CLNK: variants seen among roughly 807,000 people sequenced by gnomAD.
CLNK encodes cytokine dependent hematopoietic cell linker, also known as cytokine-dependent hematopoietic cell linker.
Under a neutral mutation model 68.6 loss-of-function variants are expected in CLNK, and 74 were observed. That is an observed-to-expected ratio of 1.08 (90% CI 0.89 to 1.31). The LOEUF (loss-of-function observed/expected upper bound fraction) is 1.31, where lower values mean the gene tolerates loss of function less well. CLNK is among the 50% of genes most tolerant of loss of function. The probability of loss-of-function intolerance (pLI) is 0.00; values close to 1 mark genes in which losing one functional copy is unlikely to be tolerated. For missense variants in CLNK, 553 were observed against 515.3 expected (o/e 1.07, Z -0.71); for synonymous variants, 198 against 172.2 (o/e 1.15, Z -1.17).
rs1224563143 is a variant in CLNK at position 10,514,733 on chromosome 4, A to G, written c.773-1136T>C. ...AAAACACCAAAAGCAATGGCAACCA[A>G]AGCCAAAATTGACAAATGGGATCTA... On this transcript the variant is annotated intron_variant, in intron 15 of 18. Transcript: ENST00000226951. Among the ~76,000 whole-genome samples, 26 of 151,220 alleles carry G rather than the reference A, an allele frequency of 1.7e-4. No homozygotes were observed. The Admixed American group carries it at 1.7e-3, about 10-fold the overall frequency.
the CLNK span, among the ~76,000 whole-genome samples, chr4:10,718,204 G>A: frequency 6.6e-6 from 1 of 152,166 alleles, no homozygotes; most frequent in Non-Finnish European, 1.5e-5. Context: ...TCATGCCATT[G>A]GAGCCCAAGA....
chr4:10,619,340 C>A (rs190139619), intron 2 of CLNK, among the ~76,000 whole-genome samples: 6 of 152,162 alleles, frequency 3.9e-5, no homozygotes, highest in Non-Finnish European at 8.8e-5. Context: ...GTTTTTAAAC[C>A]GGTCAGACTC....
At chr4:10,570,223 A>G (rs1720288957) in intron 5 of CLNK, among the ~76,000 whole-genome samples, 1 of 152,238 alleles carries the variant, frequency 6.6e-6, no homozygotes, top group African/African-American at 2.4e-5. Context: ...ACCTGCTGGA[A>G]GAACTGGGAT....
intron 2 of CLNK, among the ~76,000 whole-genome samples, chr4:10,659,599 C>A (rs1370926589): frequency 2.0e-5 from 3 of 152,118 alleles, no homozygotes; most frequent in African/African-American, 7.2e-5. Context: ...TCCTTTCTAA[C>A]CTCTCTCAGA....
chr4:10,598,134 A>G, intron 2 of CLNK, 85 bp from the exon 3 acceptor site: 1 of 860,406 alleles, frequency 1.2e-6, no homozygotes, highest in Admixed American at 2.4e-5. Flanking sequence ...TCATAGAAAG[A>G]GCCACCCAGT....
chr4:10,516,479 T>C (rs550761980), intron 15 of CLNK, among the ~76,000 whole-genome samples: 1 of 152,194 alleles, frequency 6.6e-6, no homozygotes, highest in Non-Finnish European at 1.5e-5. Context: ...CAAATTTATC[T>C]CTAAGTTTAC....
At chr4:10,545,611 G>T (rs1719195884) in intron 8 of CLNK, among the ~76,000 whole-genome samples, 1 of 152,118 alleles carries the variant, frequency 6.6e-6, no homozygotes, top group South Asian at 2.1e-4. Flanking sequence ...CAGTGGCCTT[G>T]CTCCTATGGC....
the CLNK span, among the ~76,000 whole-genome samples, chr4:10,722,440 G>C: frequency 2.0e-5 from 3 of 152,140 alleles, no homozygotes; most frequent in Non-Finnish European, 2.9e-5. Flanking sequence ...TGTTCCTGCT[G>C]TTTCCTCCAC....
At chr4:10,689,532 C>T (rs1008873914), upstream of CLNK, among the ~76,000 whole-genome samples, 1 of 152,068 alleles carries the variant, frequency 6.6e-6, no homozygotes, top group Non-Finnish European at 1.5e-5. Flanking sequence ...GGTTTCATCC[C>T]TTCAGCTGGT....
At chr4:10,535,255 G>C (rs1172220271) in intron 11 of CLNK, among the ~76,000 whole-genome samples, 1 of 134,454 alleles carries the variant, frequency 7.4e-6, no homozygotes, top group African/African-American at 2.8e-5. Flanking sequence ...AAGAAAGAAA[G>C]AAAGAAAGAA....
At chr4:10,636,358 G>A (rs1029924957) in intron 2 of CLNK, among the ~76,000 whole-genome samples, 1 of 152,114 alleles carries the variant, frequency 6.6e-6, no homozygotes, top group East Asian at 1.9e-4. Context: ...GCCATGTAAC[G>A]ATAGAGGCAG....
At chr4:10,617,627 T>C (rs1722287521) in intron 2 of CLNK, among the ~76,000 whole-genome samples, 1 of 152,222 alleles carries the variant, frequency 6.6e-6, no homozygotes, top group Non-Finnish European at 1.5e-5. Context: ...ATAAAGGCTT[T>C]AGCTAGTGAT....
chr4:10,603,167 C>T (rs557867956), intron 2 of CLNK, among the ~76,000 whole-genome samples: 4 of 152,190 alleles, frequency 2.6e-5, no homozygotes, highest in Non-Finnish European at 4.4e-5. Context: ...TTTCCAGAAC[C>T]TTCTCATTCT....
At chr4:10,712,023 A>C in the CLNK span, among the ~76,000 whole-genome samples, 2 of 152,226 alleles carry the variant, frequency 1.3e-5, no homozygotes, top group Non-Finnish European at 2.9e-5. Context: ...CTGCTAGATC[A>C]CATGCAGAAA....
At chr4:10,550,121 C>CT (rs1352368386) in intron 8 of CLNK, among the ~76,000 whole-genome samples, 1 of 152,204 alleles carries the variant, frequency 6.6e-6, no homozygotes, top group African/African-American at 2.4e-5. Context: ...TTTGGAGTGG[C>CT]TGCTGCCAGC....
chr4:10,672,350 C>T (rs1244052475), intron 1 of CLNK, among the ~76,000 whole-genome samples: 1 of 152,166 alleles, frequency 6.6e-6, no homozygotes, highest in Non-Finnish European at 1.5e-5. Flanking sequence ...CACAGTTATG[C>T]TTTGGGACAA....
the CLNK span, among the ~76,000 whole-genome samples, chr4:10,693,779 T>C: frequency 1.3e-5 from 2 of 152,230 alleles, no homozygotes; most frequent in Admixed American, 6.5e-5. Flanking sequence ...TCTAGTTCCC[T>C]ATCCCTTTTA....
intron 17 of CLNK, among the ~76,000 whole-genome samples, chr4:10,504,185 A>T (rs1224354518): frequency 7.5e-6 from 1 of 132,950 alleles, no homozygotes; most frequent in Non-Finnish European, 1.5e-5. Context: ...CAGTGGCTCA[A>T]TCTCGGCTCA....
intron 2 of CLNK, among the ~76,000 whole-genome samples, chr4:10,603,630 G>A (rs2108849005): frequency 6.6e-6 from 1 of 152,340 alleles, no homozygotes; most frequent in Middle Eastern, 3.4e-3. Context: ...TTGGGCAGGG[G>A]GAAAAGTGGG....
Sources: allele counts gnomAD v4.1 joint callset (sites outside exome capture counted in the v4.1 genomes callset), GRCh38; gene constraint gnomAD v4.1.1; transcripts MANE v1.5; gene names NCBI Gene and HGNC (gene_info 2026-07-23, HGNC 2026-07-21).